Variants in TTLL7 observed in about 807,000 individuals in gnomAD.
TTLL7 encodes the protein tubulin tyrosine ligase like 7.
Under a neutral mutation model 120.2 loss-of-function variants are expected in TTLL7, and 53 were observed. That is an observed-to-expected ratio of 0.44 (90% CI 0.35 to 0.55). The LOEUF is 0.55. Among genes scored for constraint, TTLL7 ranks in the 20% least tolerant of loss-of-function variants. The pLI is 0.00. For missense variants in TTLL7, 803 were observed against 1,054.7 expected, an observed-to-expected ratio of 0.76 and a Z score of 3.31; for synonymous variants, 353 against 351.7, an observed-to-expected ratio of 1.00 and a Z score of -0.04.
intron 19 of TTLL7, among the ~76,000 whole-genome samples, chr1:83,886,903 A>G (rs1655019218): frequency 6.6e-6 from 1 of 152,064 alleles, no homozygotes; most frequent in Non-Finnish European, 1.5e-5. Context: ...CCAGTAAAAC[A>G]TGGTAGATAA....
chr1:83,988,047 T>C (rs941253505), intron 1 of TTLL7, among the ~76,000 whole-genome samples: 9 of 152,166 alleles, frequency 5.9e-5, no homozygotes, highest in African/African-American at 1.7e-4. Flanking sequence ...CCTACCTCCA[T>C]ATAGTAATCC....
intron 1 of TTLL7, among the ~76,000 whole-genome samples, chr1:83,968,940 G>A (rs1290701733): frequency 6.6e-6 from 1 of 151,930 alleles, no homozygotes; most frequent in Non-Finnish European, 1.5e-5. Flanking sequence ...ACACAAAACT[G>A]TAATTTTCCC....
intron 1 of TTLL7, among the ~76,000 whole-genome samples, chr1:83,985,301 G>A (rs528129511): frequency 2.4e-4 from 37 of 152,274 alleles, no homozygotes; most frequent in Non-Finnish European, 3.8e-4. Context: ...GGTCCAAAGG[G>A]CAGGAGAAGC....
At chr1:83,897,065 T>G (rs1269809175) in intron 18 of TTLL7, among the ~76,000 whole-genome samples, 1 of 152,074 alleles carries the variant, frequency 6.6e-6, no homozygotes, top group Non-Finnish European at 1.5e-5. Context: ...TCTTTACATT[T>G]TACATCCATT....
chr1:83,897,841 T>C (rs1384330461), intron 18 of TTLL7, among the ~76,000 whole-genome samples: 1 of 148,124 alleles, frequency 6.8e-6, no homozygotes, highest in Admixed American at 6.9e-5. Flanking sequence ...TCTCTCCCCA[T>C]TATCTTCCTT....
chr1:83,911,486 C>G, intron 14 of TTLL7, 123 bp from the exon 15 acceptor site: 1 of 746,652 alleles, frequency 1.3e-6, no homozygotes, highest in Non-Finnish European at 2.2e-6. Context: ...GAGAATCCCC[C>G]CAAATACTAT....
chr1:83,996,544 T>A (rs750062011), intron 1 of TTLL7, among the ~76,000 whole-genome samples: 1 of 152,246 alleles, frequency 6.6e-6, no homozygotes, highest in African/African-American at 2.4e-5. Flanking sequence ...CCTCTGATCA[T>A]CCAAGGCTCT....
intron 10 of TTLL7, among the ~76,000 whole-genome samples, chr1:83,927,098 A>C (rs1659199614): frequency 6.6e-6 from 1 of 152,186 alleles, no homozygotes; most frequent in Non-Finnish European, 1.5e-5. Flanking sequence ...TTCTGTTTTC[A>C]CAGCAGTTGT....
At chr1:83,886,935 G>C (rs1655021160) in intron 19 of TTLL7, among the ~76,000 whole-genome samples, 1 of 151,936 alleles carries the variant, frequency 6.6e-6, no homozygotes, top group Non-Finnish European at 1.5e-5. Flanking sequence ...GAAATTCCAA[G>C]AGCTATTTCC....
chr1:83,950,162 AG>A (rs1648908179), intron 3 of TTLL7, among the ~76,000 whole-genome samples, 176 bp from the exon 4 acceptor site: 1 of 152,174 alleles, frequency 6.6e-6, no homozygotes, highest in Non-Finnish European at 1.5e-5. Flanking sequence ...TATTCTCAGT[AG>A]TAACTGAGAA....
At chr1:83,925,802 C>T (rs1659057047) in intron 10 of TTLL7, among the ~76,000 whole-genome samples, 1 of 152,076 alleles carries the variant, frequency 6.6e-6, no homozygotes. Context: ...GTATCTCTAG[C>T]TTCTAGCAAA....
chr1:83,955,056 G>A (rs1649390247), intron 1 of TTLL7, among the ~76,000 whole-genome samples: 1 of 152,142 alleles, frequency 6.6e-6, no homozygotes, highest in African/African-American at 2.4e-5. Flanking sequence ...CAGTACATTT[G>A]TGCTAGAGTA....
intron 7 of TTLL7, among the ~76,000 whole-genome samples, chr1:83,940,364 T>A (rs1198773139): frequency 6.6e-6 from 1 of 152,176 alleles, no homozygotes; most frequent in Admixed American, 6.5e-5. Context: ...TATTGACAAG[T>A]CTCAAATTAT....
intron 1 of TTLL7, among the ~76,000 whole-genome samples, chr1:83,961,624 A>G (rs1417643074): frequency 6.6e-6 from 1 of 152,066 alleles, no homozygotes; most frequent in Non-Finnish European, 1.5e-5. Context: ...AATAAAGTTC[A>G]AAGCAAATAA....
chr1:83,954,478 C>T (rs991791311), intron 1 of TTLL7, among the ~76,000 whole-genome samples: 1 of 152,218 alleles, frequency 6.6e-6, no homozygotes, highest in Non-Finnish European at 1.5e-5. Context: ...TATCCCACCA[C>T]TCATTTGAAA....
At chr1:83,969,487 T>C (rs1028868529) in intron 1 of TTLL7, among the ~76,000 whole-genome samples, 6 of 151,978 alleles carry the variant, frequency 3.9e-5, no homozygotes, top group African/African-American at 1.4e-4. Context: ...CTCAAAGCAA[T>C]TTATTAGTCT....
intron 10 of TTLL7, 34 bp from the exon 11 acceptor site, chr1:83,921,428 C>T: frequency 8.1e-6 from 13 of 1,605,402 alleles, no homozygotes; most frequent in Non-Finnish European, 1.1e-5. Context: ...TATTCTAGAA[C>T]TCGAACAAGT....
intron 20 of TTLL7, among the ~76,000 whole-genome samples, chr1:83,880,900 T>C (rs1467664140): frequency 2.0e-5 from 3 of 151,798 alleles, no homozygotes; most frequent in Non-Finnish European, 2.9e-5. Context: ...GAGATATAGA[T>C]CAATGGAACA....
chr1:83,942,423 CAAAT>C (rs745915583), intron 7 of TTLL7, 36 bp downstream of exon 7: 19 of 1,521,768 alleles, frequency 1.2e-5, no homozygotes, highest in African/African-American at 4.1e-5. Flanking sequence ...TATATGTTGA[CAAAT>C]GAATGAAAAG....
Sources: allele counts gnomAD v4.1 joint callset (sites outside exome capture counted in the v4.1 genomes callset), GRCh38; gene constraint gnomAD v4.1.1; transcripts MANE v1.5; gene names NCBI Gene and HGNC (gene_info 2026-07-23, HGNC 2026-07-21).